The following NRG1 variants were observed in gnomAD, a reference collection of about 807,000 sequenced individuals.
NRG1 encodes pro-neuregulin-1, membrane-bound isoform.
NRG1 carries 18 observed loss-of-function variants against 63.8 expected under a neutral mutation model. The ratio of observed to expected loss-of-function variants is 0.28; its 90% CI spans 0.19 to 0.42. The LOEUF (loss-of-function observed/expected upper bound fraction) is 0.42. Among genes scored for constraint, NRG1 ranks in the 10% least tolerant of loss-of-function variants. The pLI, the probability that NRG1 is intolerant of heterozygous loss-of-function variation, is 1.00. For missense variants in NRG1, 762 were observed against 814.7 expected, an observed-to-expected ratio of 0.94 and a Z score of 0.79; for synonymous variants, 302 against 301.3, an observed-to-expected ratio of 1.00 and a Z score of -0.02.
intron 1 of NRG1, among the ~76,000 whole-genome samples, chr8:31,742,455 A>ATTTTTTTTTTT (rs36040084): frequency 0.15 from 11,871 of 79,378 alleles, 1,649 homozygotes; most frequent in Non-Finnish European, 0.2. Context: ...TTTTTTAAGA[A>ATTTTTTTTTTT]TTTTTTTTTT....
At chr8:31,926,980 A>G (rs893070203) in intron 1 of NRG1, among the ~76,000 whole-genome samples, 6 of 152,108 alleles carry the variant, frequency 3.9e-5, no homozygotes, top group African/African-American at 1.4e-4. Context: ...TTCATACTTG[A>G]GATTTAAAAT....
Position 32,548,899 on chromosome 8 carries a change from C to A in NRG1, c.100+73C>A. The A allele has an allele frequency of 2.0e-6, 3 of 1,470,220 alleles. 1 individual carries two copies. The highest frequency in any genetic ancestry group is 2.6e-5 in the South Asian group (2 of 76,264). 91.1% of individuals were successfully genotyped at this position (1,470,220 alleles called of 1,614,324 possible). ...CCTACTCCTCCTCCTCCTCGGATGC[C>A]GTGGCCTCTCCCTCCCCCTCTCCCT... On this transcript the variant is annotated intron_variant, in intron 1 of 11. Coordinates refer to ENST00000356819, the Ensembl canonical transcript of NRG1.
intron 1 of NRG1, among the ~76,000 whole-genome samples, chr8:31,959,163 T>C (rs1804987047): frequency 1.3e-5 from 2 of 152,226 alleles, no homozygotes; most frequent in South Asian, 4.1e-4. Context: ...TTTACTACTC[T>C]AACAATTTCT....
At chr8:31,815,609 C>T (rs1262443016) in intron 1 of NRG1, among the ~76,000 whole-genome samples, 1 of 152,084 alleles carries the variant, frequency 6.6e-6, no homozygotes, top group Non-Finnish European at 1.5e-5. Flanking sequence ...GTATATACCC[C>T]GAAGTAGATT....
chr8:32,638,362 C>G (rs943260844), intron 5 of NRG1, among the ~76,000 whole-genome samples: 9 of 152,022 alleles, frequency 5.9e-5, no homozygotes, highest in African/African-American at 1.9e-4. Flanking sequence ...GTTGCAGCTC[C>G]AACATTCAGT....
At chr8:32,608,074 T>C (rs369068830) in intron 3 of NRG1, among the ~76,000 whole-genome samples, 2 of 149,664 alleles carry the variant, frequency 1.3e-5, no homozygotes, top group African/African-American at 4.9e-5. Context: ...AAAGGAGATA[T>C]GAACCCAGGT....
intron 1 of NRG1, among the ~76,000 whole-genome samples, chr8:31,911,092 C>A (rs1482999032): frequency 6.6e-6 from 1 of 152,126 alleles, no homozygotes; most frequent in African/African-American, 2.4e-5. Flanking sequence ...GCACGTGAGC[C>A]CCAGCTGTGC....
chr8:32,332,318 C>G (rs991563069), intron 1 of NRG1, among the ~76,000 whole-genome samples: 5 of 152,086 alleles, frequency 3.3e-5, no homozygotes, highest in Non-Finnish European at 7.4e-5. Context: ...CCTAAGACAG[C>G]TCTTTTCCCA....
intron 1 of NRG1, among the ~76,000 whole-genome samples, chr8:32,094,296 A>T (rs1587087229): frequency 6.6e-6 from 1 of 152,164 alleles, no homozygotes; most frequent in Non-Finnish European, 1.5e-5. Context: ...TCAAAGAAGA[A>T]GAAGTAAGCG....
In NRG1 at chr8:31,743,402, A is replaced by G. The variant is rs1367974131; in HGVS notation, c.37+103971A>G. 2.0e-5 allele frequency among the ~76,000 whole-genome samples: 3 copies of G among 152,144 alleles called. No individual in the cohort carries two copies. In the East Asian group the frequency reaches 5.8e-4, roughly 30 times the overall value. ...TTTGTACTATTCCCTGTTCATGATA[A>G]GAACTATATAATAGTTAATTGCTGA... On this transcript the variant is annotated intron_variant, in intron 1 of 10. Transcript: ENST00000519301.
At chr8:32,461,345 A>G (rs1303870938) in intron 1 of NRG1, among the ~76,000 whole-genome samples, 1 of 152,228 alleles carries the variant, frequency 6.6e-6, no homozygotes, top group African/African-American at 2.4e-5. Context: ...ACGGCCTATT[A>G]TACTACTATA....
intron 1 of NRG1, among the ~76,000 whole-genome samples, chr8:32,337,374 T>G (rs1404177981): frequency 6.6e-6 from 1 of 152,028 alleles, no homozygotes; most frequent in Non-Finnish European, 1.5e-5. Flanking sequence ...AGGAACACTG[T>G]GAGTCTGTGG....
At chr8:32,004,599 G>A (rs1813454076) in intron 1 of NRG1, among the ~76,000 whole-genome samples, 1 of 151,526 alleles carries the variant, frequency 6.6e-6, no homozygotes, top group African/African-American at 2.4e-5. Context: ...AAAGTCTGTT[G>A]ATTAAAAAAA....
In NRG1 at chr8:31,654,117, AG is replaced by A. The variant is rs557143497; in HGVS notation, c.37+14687del. 5.6e-4 allele frequency among the ~76,000 whole-genome samples: 86 copies of A among 152,322 alleles called. 1 individual carries two copies. Among genetic ancestry groups the A allele is most frequent in the African/African-American group, 1.9e-3 (78 of 41,570 alleles). The stretch of plus-strand genomic sequence containing the variant: ...TTAACTCTCAAGTAGTTTTATTTCC[AG>A]TAACTTGCAAAATAACTGTCATTAT... On this transcript the variant is annotated intron_variant, in intron 1 of 10. Transcript: ENST00000519301.
chr8:31,894,490 G>T (rs1831398094), intron 1 of NRG1, among the ~76,000 whole-genome samples: 1 of 151,632 alleles, frequency 6.6e-6, no homozygotes, highest in South Asian at 2.1e-4. Context: ...TGAAAATATG[G>T]TAAATTGTTT....
intron 1 of NRG1, among the ~76,000 whole-genome samples, chr8:32,079,563 A>G (rs1382674146): frequency 2.6e-5 from 4 of 152,204 alleles, no homozygotes; most frequent in Admixed American, 6.5e-5. Flanking sequence ...ACAAATGTAA[A>G]TGTTCTTTAA....
chr8:31,856,032 G>C (rs1163587000), intron 1 of NRG1, among the ~76,000 whole-genome samples: 1 of 151,038 alleles, frequency 6.6e-6, no homozygotes, highest in Non-Finnish European at 1.5e-5. Flanking sequence ...CTTTCTCTCT[G>C]GCTGCCCTTA....
At chr8:31,848,984 A>G (rs1300496266) in intron 1 of NRG1, among the ~76,000 whole-genome samples, 1 of 152,214 alleles carries the variant, frequency 6.6e-6, no homozygotes, top group Non-Finnish European at 1.5e-5. Context: ...TCCACGAAAC[A>G]GATCCCTATG....
intron 1 of NRG1, among the ~76,000 whole-genome samples, chr8:32,279,828 A>T (rs1313887225): frequency 6.6e-6 from 1 of 152,172 alleles, no homozygotes; most frequent in African/African-American, 2.4e-5. Context: ...TGAGTCTGCT[A>T]TGGTTTTCTG....
Sources: gnomAD v4.1 joint callset for allele counts (sites outside exome capture counted in the v4.1 genomes callset) on GRCh38, gnomAD v4.1.1 for gene constraint, MANE v1.5 for transcripts, NCBI Gene and HGNC (gene_info 2026-07-23, HGNC 2026-07-21) for gene names.